Variants in NAE1 observed in about 807,000 individuals in gnomAD.
The protein encoded by NAE1 is NEDD8-activating enzyme E1 regulatory subunit.
Under a neutral mutation model 88.0 loss-of-function variants are expected in NAE1, and 59 were observed. The observed-to-expected ratio is 0.67, with a 90% CI of 0.54 to 0.83. The LOEUF (loss-of-function observed/expected upper bound fraction) is 0.83, where lower values mean the gene tolerates loss of function less well. Ranked by LOEUF, NAE1 falls within the 40% of genes least tolerant of loss-of-function variation. The probability of loss-of-function intolerance (pLI) is 0.00; values close to 1 mark genes in which losing one functional copy is unlikely to be tolerated. For synonymous variants in NAE1, 186 were observed against 208.9 expected (o/e 0.89, Z 0.95); for missense variants, 554 against 632.8 (o/e 0.88, Z 1.34).
At chr16:66,829,066 T>C (rs1960588780) in intron 1 of NAE1, among the ~76,000 whole-genome samples, 1 of 152,076 alleles carries the variant, frequency 6.6e-6, no homozygotes, top group Non-Finnish European at 1.5e-5. Context: ...ATCAGTCCTC[T>C]CTACTATCTT....
At chr16:66,804,051 C>T (rs928747399) in intron 19 of NAE1, among the ~76,000 whole-genome samples, 2 of 151,942 alleles carry the variant, frequency 1.3e-5, no homozygotes, top group Non-Finnish European at 2.9e-5. Flanking sequence ...TGTAGTATGT[C>T]AACTGACCAT....
chr16:66,827,978 A>G lies in NAE1; in HGVS notation c.54-1198T>C. On this transcript the variant is annotated intron_variant, in intron 1 of 19. Coordinates refer to ENST00000290810, the MANE Select transcript of NAE1 (RefSeq NM_003905.4). ...TGGGACTACAGGCACAAGCCACTGT[A>G]CCTGGCTTCATTTGTTTTTGTTTGC... 6.2e-7 allele frequency: 1 copy of G among 1,611,162 alleles called. No homozygotes were observed. The highest frequency in any genetic ancestry group is 1.3e-5 in the African/African-American group (1 of 74,970).
intron 11 of NAE1, among the ~76,000 whole-genome samples, chr16:66,814,608 A>AAG (rs531304448): frequency 2.4e-5 from 1 of 41,212 alleles, no homozygotes; most frequent in Admixed American, 2.6e-4. Flanking sequence ...AAAAAAAAAA[A>AAG]ATACACACAC....
In NAE1 at chr16:66,826,741, A is replaced by G. The variant is rs1227908425; in HGVS notation, c.93T>C (p.Ala31=). ...GDHGQEALES[A]HVCLINATAT... The stretch of plus-strand genomic sequence containing the variant: ...CTGTTGCATTTATTAGGCAAACATG[A>G]GCAGATTCTAAAGCCTCTTGCCCAT... The change falls in exon 2 of 20, where the codon GCT becomes GCC. Residue 31 remains alanine (A), a synonymous_variant. Coordinates refer to ENST00000290810, the MANE Select transcript of NAE1 (RefSeq NM_003905.4). 2 of 1,614,110 alleles carry G rather than the reference A, an allele frequency of 1.2e-6. No homozygotes were observed. Among genetic ancestry groups the G allele is most frequent in the Non-Finnish European group, 1.7e-6 (2 of 1,180,000 alleles).
At chr16:66,828,103 C>T (rs1165072550) in intron 1 of NAE1, 36 of 1,555,242 alleles carry the variant, frequency 2.3e-5, no homozygotes, top group African/African-American at 5.4e-5. Flanking sequence ...GGACCGTAAA[C>T]GCCTGTTTTC....
At chr16:66,826,154 T>C (rs1960456293) in intron 3 of NAE1, 1 of 200,420 alleles carries the variant, frequency 5.0e-6, no homozygotes, top group Admixed American at 5.2e-5. Context: ...GTTGACACTG[T>C]AAAGAGAGAT....
chr16:66,816,112 T>TA (rs1750784391), intron 11 of NAE1, among the ~76,000 whole-genome samples: 1 of 152,164 alleles, frequency 6.6e-6, no homozygotes, highest in African/African-American at 2.4e-5. Context: ...TACCAGGTGT[T>TA]ATTCCAAAGC....
At chr16:66,806,723 C>T (rs1288399813) in intron 17 of NAE1, among the ~76,000 whole-genome samples, 1 of 152,080 alleles carries the variant, frequency 6.6e-6, no homozygotes, top group Non-Finnish European at 1.5e-5. Flanking sequence ...AATAATAGGT[C>T]ACATTTATTG....
At chr16:66,829,612 A>G (rs1487348442) in intron 1 of NAE1, among the ~76,000 whole-genome samples, 1 of 152,200 alleles carries the variant, frequency 6.6e-6, no homozygotes, top group Non-Finnish European at 1.5e-5. Context: ...GGGGACATAT[A>G]ACTTCTGTTG....
intron 11 of NAE1, among the ~76,000 whole-genome samples, chr16:66,815,492 G>C (rs1283329896): frequency 6.6e-6 from 1 of 151,864 alleles, no homozygotes; most frequent in African/African-American, 2.4e-5. Context: ...GAGTAGCTGA[G>C]ACTACAGGTG....
chr16:66,810,528 C>T, intron 14 of NAE1, 115 bp from the exon 15 acceptor site: 2 of 1,132,418 alleles, frequency 1.8e-6, no homozygotes. Flanking sequence ...GCTGGGAGAG[C>T]ACTTTAAAAA....
intron 1 of NAE1, 85 bp from the exon 2 acceptor site, chr16:66,826,865 C>T: frequency 1.7e-6 from 2 of 1,198,944 alleles, no homozygotes; most frequent in South Asian, 1.4e-5. Flanking sequence ...TTAAACTTTC[C>T]TTGCATAGAC....
rs751850348 is a variant in NAE1, at chr16:66,809,088, A to G, written c.1151-13T>C. 3.8e-6 allele frequency: 6 copies of G among 1,595,936 alleles called. No individual in the cohort carries two copies. The highest frequency in any genetic ancestry group is 1.7e-5 in the Admixed American group (1 of 58,744). On this transcript the variant is annotated splice_polypyrimidine_tract_variant and intron_variant, in intron 15 of 19. Coordinates refer to ENST00000290810, the MANE Select transcript of NAE1 (RefSeq NM_003905.4). ...GCAGAATTGCTGCCTGAACAGAGGA[A>G]AGATATTCTGGAAGTAATGACTGTG... is the stretch of plus-strand genomic sequence containing the variant.
chr16:66,825,308 G>A (rs1176349203), intron 3 of NAE1, among the ~76,000 whole-genome samples: 10 of 152,110 alleles, frequency 6.6e-5, no homozygotes, highest in Admixed American at 5.2e-4. Context: ...TTAGCCGGGC[G>A]TGGTGGCGGG....
chr16:66,823,143 A>T (rs1055755193), intron 6 of NAE1, 84 bp downstream of exon 6: 1 of 706,214 alleles, frequency 1.4e-6, no homozygotes, highest in Non-Finnish European at 2.1e-6. Context: ...TTTTAAAACC[A>T]TATCATCATA....
At chr16:66,805,615 G>A (rs1233946626) in intron 19 of NAE1, 162 bp downstream of exon 19, 2 of 561,976 alleles carry the variant, frequency 3.6e-6, no homozygotes, top group Non-Finnish European at 5.4e-6. Context: ...TCCAACCTGG[G>A]CAAAACAGTG....
intron 1 of NAE1, among the ~76,000 whole-genome samples, chr16:66,829,141 TC>T (rs915063252): frequency 2.2e-4 from 34 of 152,330 alleles, no homozygotes; most frequent in African/African-American, 8.2e-4. Flanking sequence ...TCTAACTGCT[TC>T]CCTTTGACAC....
intron 17 of NAE1, among the ~76,000 whole-genome samples, chr16:66,807,566 G>C (rs1016287156): frequency 2.0e-5 from 3 of 152,054 alleles, no homozygotes; most frequent in Non-Finnish European, 2.9e-5. Flanking sequence ...CTTAAACCCA[G>C]GAGGCGGAGG....
intron 13 of NAE1, among the ~76,000 whole-genome samples, chr16:66,812,785 G>A (rs540103509): frequency 6.7e-6 from 1 of 149,868 alleles, no homozygotes; most frequent in South Asian, 2.1e-4. Context: ...TCCCGAAGTG[G>A]TGGGATTACA....
Sources: gnomAD v4.1 joint callset for allele counts (sites outside exome capture counted in the v4.1 genomes callset) on GRCh38, gnomAD v4.1.1 for gene constraint, MANE v1.5 for transcripts, NCBI Gene and HGNC (gene_info 2026-07-23, HGNC 2026-07-21) for gene names.